The following FILIP1L variants were observed in gnomAD, a reference collection of about 807,000 sequenced individuals.
FILIP1L encodes the protein filamin A interacting protein 1 like, also known as filamin A-interacting protein 1-like.
In FILIP1L, 55 loss-of-function variants were observed where a neutral mutation model predicts 96.6. That is an observed-to-expected ratio of 0.57 (90% CI 0.46 to 0.71). The LOEUF is 0.71. Ranked by LOEUF, FILIP1L falls within the 30% of genes least tolerant of loss-of-function variation. FILIP1L has a pLI of 0.00. For synonymous variants in FILIP1L, 467 were observed against 473.9 expected (o/e 0.99, Z 0.19); for missense variants, 1,304 against 1,321.2 (o/e 0.99, Z 0.20).
At chr3:100,005,943 C>A (rs569408584) in intron 1 of FILIP1L, among the ~76,000 whole-genome samples, 1 of 152,228 alleles carries the variant, frequency 6.6e-6, no homozygotes, top group Admixed American at 6.5e-5. Context: ...TTCATTCCCA[C>A]CTCCGCTATT....
chr3:99,954,804 C>G (rs1293796689), intron 1 of FILIP1L, among the ~76,000 whole-genome samples: 1 of 151,554 alleles, frequency 6.6e-6, no homozygotes, highest in Non-Finnish European at 1.5e-5. Context: ...CCAGCCTGAG[C>G]CACAGAGCAA....
chr3:100,112,569 T>G (rs1164451606), intron 1 of FILIP1L, among the ~76,000 whole-genome samples: 1 of 152,218 alleles, frequency 6.6e-6, no homozygotes, highest in African/African-American at 2.4e-5. Context: ...ACACATGAAC[T>G]TTAATAGAAG....
At chr3:99,936,287 C>T (rs979865587) in intron 1 of FILIP1L, among the ~76,000 whole-genome samples, 3 of 148,490 alleles carry the variant, frequency 2.0e-5, no homozygotes, top group African/African-American at 7.4e-5. Flanking sequence ...GTATTCATTA[C>T]TTATCATATA....
intron 1 of FILIP1L, among the ~76,000 whole-genome samples, chr3:100,059,600 A>G (rs2065525110): frequency 6.6e-6 from 1 of 152,230 alleles, no homozygotes; most frequent in Non-Finnish European, 1.5e-5. Flanking sequence ...GTTAGGAGCC[A>G]GGAAGGTTTG....
intron 1 of FILIP1L, among the ~76,000 whole-genome samples, chr3:100,070,245 TGGGG>T (rs1365817400): frequency 1.3e-5 from 2 of 152,214 alleles, no homozygotes; most frequent in Non-Finnish European, 2.9e-5. Context: ...TTAGATTTTG[TGGGG>T]AGGTCAGTTG....
intron 1 of FILIP1L, among the ~76,000 whole-genome samples, chr3:99,969,618 C>T (rs936281779): frequency 1.3e-5 from 2 of 152,020 alleles, no homozygotes; most frequent in African/African-American, 4.8e-5. Context: ...TATGGTTTTC[C>T]AGAGATTGGA....
At chr3:100,054,898 G>A (rs1426822145) in intron 1 of FILIP1L, among the ~76,000 whole-genome samples, 4 of 152,204 alleles carry the variant, frequency 2.6e-5, no homozygotes, top group African/African-American at 9.6e-5. Context: ...TTAGTCTCAT[G>A]TTATTCTGTT....
intron 1 of FILIP1L, among the ~76,000 whole-genome samples, chr3:100,105,919 A>T (rs1216097627): frequency 6.6e-6 from 1 of 152,106 alleles, no homozygotes; most frequent in East Asian, 1.9e-4. Context: ...TTCTTTTCTC[A>T]CTTCAAACTT....
At chr3:100,068,927 T>G (rs1452863083) in intron 1 of FILIP1L, among the ~76,000 whole-genome samples, 3 of 152,222 alleles carry the variant, frequency 2.0e-5, no homozygotes, top group Non-Finnish European at 2.9e-5. Flanking sequence ...TTCAGCTTGC[T>G]CTCACCCTCG....
Position 99,955,333 on chromosome 3 carries a change from C to T in FILIP1L, c.-10-24303G>A, listed in dbSNP as rs534008746. Among the ~76,000 whole-genome samples the T allele has an allele frequency of 3.4e-4, 51 of 152,154 alleles. 1 individual carries two copies. The South Asian group carries it at 9.8e-3, about 29-fold the overall frequency. On this transcript the variant is annotated intron_variant, in intron 1 of 5. Coordinates refer to ENST00000477258, the MANE Select transcript of FILIP1L (RefSeq NM_001387850.1). The stretch of plus-strand genomic sequence containing the variant: ...GACAAGGAGTATAAACAGAGACCTA[C>T]GGAATATTTGTTTCTCATGGAAAGA...
chr3:100,017,657 G>A (rs1461199673), intron 1 of FILIP1L, among the ~76,000 whole-genome samples: 1 of 152,168 alleles, frequency 6.6e-6, no homozygotes, highest in Non-Finnish European at 1.5e-5. Flanking sequence ...AGATGTGGTG[G>A]CATGCACCTG....
At chr3:99,924,433 T>G in intron 3 of FILIP1L, 25 bp from the exon 4 acceptor site, 1 of 1,604,824 alleles carries the variant, frequency 6.2e-7, no homozygotes, top group Middle Eastern at 1.7e-4. Flanking sequence ...ATTTATAGCC[T>G]GTTACCAAAT....
chr3:99,971,386 C>A (rs1248289904), intron 1 of FILIP1L, among the ~76,000 whole-genome samples: 1 of 151,084 alleles, frequency 6.6e-6, no homozygotes, highest in East Asian at 1.9e-4. Flanking sequence ...AGTGAGATCA[C>A]CACACAAGGA....
intron 4 of FILIP1L, among the ~76,000 whole-genome samples, chr3:99,867,659 A>G (rs1241754257): frequency 6.6e-6 from 1 of 152,172 alleles, no homozygotes; most frequent in Admixed American, 6.5e-5. Flanking sequence ...TCTAAGGTCT[A>G]CAAAGCCTTT....
chr3:100,052,075 T>C (rs1455108459), intron 1 of FILIP1L, among the ~76,000 whole-genome samples: 1 of 152,092 alleles, frequency 6.6e-6, no homozygotes, highest in Non-Finnish European at 1.5e-5. Flanking sequence ...ATATGTGTTA[T>C]TTGTCACATG....
At chr3:99,991,217 G>A (rs1709501530) in intron 1 of FILIP1L, among the ~76,000 whole-genome samples, 1 of 152,132 alleles carries the variant, frequency 6.6e-6, no homozygotes. Flanking sequence ...CTTCTTTAAG[G>A]AGAGAATGTT....
chr3:99,877,996 TGA>T (rs1159058567), intron 4 of FILIP1L, among the ~76,000 whole-genome samples: 10 of 152,372 alleles, frequency 6.6e-5, no homozygotes, highest in African/African-American at 1.9e-4. Context: ...TTCATTCTTT[TGA>T]CTTGCTGGTT....
Position 99,970,055 on chromosome 3 carries a change from G to A in FILIP1L, c.-10-39025C>T, listed in dbSNP as rs1049704085. Among the ~76,000 whole-genome samples the A allele has an allele frequency of 3.9e-5, 6 of 152,192 alleles. No individual in the cohort carries two copies. The East Asian group carries it at 9.6e-4, about 24-fold the overall frequency. ...AGGCATTGGCTTAAAATTTGGATAAGCCATATAAACTTGTTGATATTTGAG... is the reference window on the plus strand; with the variant it reads ...AGGCATTGGCTTAAAATTTGGATAAACCATATAAACTTGTTGATATTTGAG... On this transcript the variant is annotated intron_variant, in intron 1 of 5. Transcript: ENST00000477258.
chr3:99,874,129 A>C (rs748748543), intron 4 of FILIP1L, among the ~76,000 whole-genome samples: 5 of 152,204 alleles, frequency 3.3e-5, no homozygotes, highest in South Asian at 4.1e-4. Flanking sequence ...AAAGTGTGGA[A>C]TATTAAAGAG....
Sources: allele counts gnomAD v4.1 joint callset (sites outside exome capture counted in the v4.1 genomes callset), GRCh38; gene constraint gnomAD v4.1.1; transcripts MANE v1.5; gene names NCBI Gene and HGNC (gene_info 2026-07-23, HGNC 2026-07-21).